Variants in RPH3AL observed in about 807,000 individuals in gnomAD.
The protein encoded by RPH3AL is rabphilin 3A like (without C2 domains).
In RPH3AL, 38 loss-of-function variants were observed where a neutral mutation model predicts 43.1. The ratio of observed to expected loss-of-function variants is 0.88; its 90% confidence interval spans 0.68 to 1.15. The LOEUF (loss-of-function observed/expected upper bound fraction) is 1.15, where lower values mean the gene tolerates loss of function less well. Ranked by LOEUF, RPH3AL falls within the 50% of genes most tolerant of loss-of-function variation. The pLI, the probability that RPH3AL is intolerant of heterozygous loss-of-function variation, is 0.00. For synonymous variants in RPH3AL, 189 were observed against 176.3 expected, an observed-to-expected ratio of 1.07 and a Z score of -0.57; for missense variants, 462 against 423.2, an observed-to-expected ratio of 1.09 and a Z score of -0.81.
chr17:244,228 C>CCCTTCCTCTATTGATTAT, intron 7 of RPH3AL, among the ~76,000 whole-genome samples: 1 of 147,274 alleles, frequency 6.8e-6, no homozygotes, highest in Non-Finnish European at 1.5e-5. Flanking sequence ...CTATTGATTA[C>CCCTTCCTCTATTGATTAT]CCTTCCTCTA....
rs534827274 is a variant in RPH3AL, at chr17:324,000, C to G, written c.78-2585G>C. Among the ~76,000 whole-genome samples, 6 of 151,408 alleles carry G rather than the reference C, an allele frequency of 4.0e-5. No homozygotes were observed. The South Asian group carries it at 1.3e-3, about 32-fold the overall frequency. On this transcript the variant is annotated intron_variant, in intron 3 of 9. Coordinates refer to ENST00000331302, the MANE Select transcript of RPH3AL (RefSeq NM_006987.4). This position sits in a 1 kb window ranked among gnomAD's most constrained non-coding sequence, Gnocchi z 4.4. Reference sequence around the variant, plus strand: ...CACAAGGCAGGCCTAGACCCTCAGTCACCCTGCAAGGCAGGCCCAGACCCT... The same window carrying G: ...CACAAGGCAGGCCTAGACCCTCAGTGACCCTGCAAGGCAGGCCCAGACCCT...
intron 5 of RPH3AL, among the ~76,000 whole-genome samples, chr17:312,194 G>A (rs78242279): frequency 0.014 from 2,195 of 152,224 alleles, 53 homozygotes; most frequent in African/African-American, 0.049. Flanking sequence ...TCAGCTGCCC[G>A]GGAAGCTGGG....
At chr17:269,121 G>A (rs1003659199) in intron 6 of RPH3AL, among the ~76,000 whole-genome samples, 43 of 152,154 alleles carry the variant, frequency 2.8e-4, no homozygotes, top group Middle Eastern at 3.4e-3. Flanking sequence ...CTCATAATCC[G>A]CCCGCCTTGG....
intron 7 of RPH3AL, among the ~76,000 whole-genome samples, chr17:230,702 G>A (rs1175020888): frequency 1.3e-5 from 2 of 152,124 alleles, no homozygotes; most frequent in East Asian, 1.9e-4. Flanking sequence ...ATGAAACACG[G>A]CAAGCCTATG....
In RPH3AL at chr17:212,698, GAC is replaced by G. The variant is rs113303746; in HGVS notation, c.*1152_*1153del. ...GGAAGGATGGGAGGGTGTGATCACC[GAC>G]ACACACACACACGTTCTCTCTCTTC... On this transcript the variant is annotated 3_prime_UTR_variant, in exon 10 of 10. Coordinates refer to ENST00000331302, the MANE Select transcript of RPH3AL (RefSeq NM_006987.4). 4 of 151,220 alleles carry G rather than the reference GAC, an allele frequency of 2.6e-5. No homozygotes were observed. Among genetic ancestry groups the G allele is most frequent in the South Asian group, 2.1e-4 (1 of 4,796 alleles). The allele number at this position is 151,220 out of a possible 1,614,324, so 9.4% of individuals were successfully genotyped here.
At chr17:263,813 C>A (rs76803836) in intron 6 of RPH3AL, among the ~76,000 whole-genome samples, 49 of 152,134 alleles carry the variant, frequency 3.2e-4, no homozygotes, top group African/African-American at 1.1e-3. Context: ...GGTAACACAC[C>A]GACACTCCCG....
intron 1 of RPH3AL, among the ~76,000 whole-genome samples, chr17:335,496 G>A (rs1014524836): frequency 6.6e-5 from 10 of 152,100 alleles, no homozygotes; most frequent in Middle Eastern, 3.2e-3. Context: ...AGAACCGCCC[G>A]GCCGGCCCGT....
In RPH3AL at chr17:282,184, A is replaced by T. The variant is rs139958583; in HGVS notation, c.352-330T>A. ...GACGCCCAATGCCAGGGGAGGGTCC[A>T]GGCAAACACGACAGCACGTGATCTG... is the stretch of plus-strand genomic sequence containing the variant. On this transcript the variant is annotated intron_variant, in intron 5 of 9. Coordinates refer to ENST00000331302, the MANE Select transcript of RPH3AL (RefSeq NM_006987.4). 4.5e-4 allele frequency among the ~76,000 whole-genome samples: 69 copies of T among 152,380 alleles called. 1 individual carries two copies. The East Asian group carries it at 0.013, about 28-fold the overall frequency.
chr17:317,196 G>T (rs1047262997), intron 5 of RPH3AL, among the ~76,000 whole-genome samples: 1 of 134,974 alleles, frequency 7.4e-6, no homozygotes, highest in Admixed American at 7.4e-5. Context: ...TTGACCTGTA[G>T]TCCCTGTACT....
At chr17:338,572 G>C (rs532175329) in intron 1 of RPH3AL, 1 of 152,252 alleles carries the variant, frequency 6.6e-6, no homozygotes, top group East Asian at 1.9e-4. Context: ...GGTACCTGTG[G>C]CCCCTGAGCA....
rs141010401 is a variant in RPH3AL at position 268,901 on chromosome 17, C to T, written c.438+12867G>A. 7.2e-3 allele frequency among the ~76,000 whole-genome samples: 1,100 copies of T among 152,038 alleles called. 11 individuals carry two copies. Among genetic ancestry groups the T allele is most frequent in the Non-Finnish European group, 0.013 (906 of 67,968 alleles). On this transcript the variant is annotated intron_variant, in intron 6 of 9. Coordinates refer to ENST00000331302, the MANE Select transcript of RPH3AL (RefSeq NM_006987.4). ...TTTATTTATTATTATTTTTTTGAGA[C>T]GGAGTCTCGCTCCGTCACCCAGGCT...
intron 3 of RPH3AL, among the ~76,000 whole-genome samples, chr17:324,360 G>A (rs1216432442): frequency 3.3e-5 from 5 of 152,200 alleles, no homozygotes; most frequent in African/African-American, 4.8e-5. Flanking sequence ...ATGCCCGCCT[G>A]CGGCCATAGC....
intron 5 of RPH3AL, among the ~76,000 whole-genome samples, chr17:299,194 C>G (rs1264871902): frequency 6.6e-6 from 1 of 152,178 alleles, no homozygotes; most frequent in Non-Finnish European, 1.5e-5. Flanking sequence ...AATGGCCCAG[C>G]AGCCCCTCCC....
At chr17:306,312 G>A (rs893593961) in intron 5 of RPH3AL, 2 of 151,978 alleles carry the variant, frequency 1.3e-5, no homozygotes, top group African/African-American at 4.8e-5. Context: ...CCTCCACGCA[G>A]GCCCCACGCA....
chr17:337,184 C>G (rs1598159965), intron 1 of RPH3AL, among the ~76,000 whole-genome samples: 2 of 151,988 alleles, frequency 1.3e-5, no homozygotes, highest in East Asian at 3.9e-4. Flanking sequence ...GGCACAGTCA[C>G]AGTTCACTGC....
Position 242,778 on chromosome 17 carries a change from C to T in RPH3AL, c.613+4333G>A, listed in dbSNP as rs867839566. Among the ~76,000 whole-genome samples the T allele has an allele frequency of 8.9e-4, 65 of 72,816 alleles. 6 individuals carry two copies. The highest frequency in any genetic ancestry group is 1.5e-3 in the East Asian group (3 of 2,000). The allele number at this position is 72,816 out of a possible 152,430, so 47.8% of individuals were successfully genotyped here. On this transcript the variant is annotated intron_variant, in intron 7 of 9. Transcript: ENST00000331302. ...TCTATTGATTACCTTCCTCTATTGA[C>T]TACCTTCCTCTAATGACTACCTTCC...
chr17:279,072 C>A (rs373769731), intron 6 of RPH3AL, among the ~76,000 whole-genome samples: 1 of 152,160 alleles, frequency 6.6e-6, no homozygotes, highest in Non-Finnish European at 1.5e-5. Context: ...TTGGCTTTTG[C>A]GGGGAGACAT....
intron 6 of RPH3AL, among the ~76,000 whole-genome samples, chr17:275,598 A>G (rs909118627): frequency 2.0e-5 from 3 of 152,180 alleles, no homozygotes; most frequent in Non-Finnish European, 4.4e-5. Flanking sequence ...CCCAGGCTGG[A>G]GTACATTGGT....
chr17:318,855 C>G (rs888088947), intron 5 of RPH3AL, among the ~76,000 whole-genome samples: 1 of 152,144 alleles, frequency 6.6e-6, no homozygotes, highest in Non-Finnish European at 1.5e-5. Context: ...GAAGCAGGAC[C>G]AATGGAACAG....
Sources: allele counts gnomAD v4.1 joint callset (sites outside exome capture counted in the v4.1 genomes callset), GRCh38; gene constraint gnomAD v4.1.1; non-coding constraint Gnocchi (gnomAD v3.1); transcripts MANE v1.5; gene names NCBI Gene and HGNC (gene_info 2026-07-23, HGNC 2026-07-21).